The following ATG4B variants were observed in gnomAD, a reference collection of about 807,000 sequenced individuals.
The protein encoded by ATG4B is cysteine protease ATG4B.
Under a neutral mutation model 56.6 loss-of-function variants are expected in ATG4B, and 29 were observed. The ratio of observed to expected loss-of-function variants is 0.51; its 90% CI spans 0.38 to 0.70. ATG4B has a LOEUF of 0.70. Among genes scored for constraint, ATG4B ranks in the 30% least tolerant of loss-of-function variants. ATG4B has a pLI of 0.00. For synonymous variants in ATG4B, 224 were observed against 206.1 expected, an observed-to-expected ratio of 1.09 and a Z score of -0.74; for missense variants, 461 against 515.5, an observed-to-expected ratio of 0.89 and a Z score of 1.02.
chr2:241,665,142 GTC>G (rs1249978063), intron 7 of ATG4B, among the ~76,000 whole-genome samples: 8 of 152,204 alleles, frequency 5.3e-5, no homozygotes, highest in Non-Finnish European at 1.0e-4. Flanking sequence ...AAAAAGTTCT[GTC>G]TCAGAATCCT....
intron 6 of ATG4B, among the ~76,000 whole-genome samples, chr2:241,657,319 A>G (rs987091444): frequency 1.6e-5 from 2 of 128,270 alleles, no homozygotes; most frequent in African/African-American, 3.0e-5. Flanking sequence ...TTTTTCCGAG[A>G]CAGAGTCTAG....
intron 7 of ATG4B, among the ~76,000 whole-genome samples, chr2:241,663,810 T>TG (rs2068665860): frequency 7.2e-6 from 1 of 139,730 alleles, no homozygotes; most frequent in Non-Finnish European, 1.6e-5. Flanking sequence ...GCCAGACGTC[T>TG]ATTTTTTTTT....
rs1033902939 is a variant in ATG4B, at chr2:241,651,058, C to G, written c.59C>G (p.Pro20Arg). The change falls in exon 2 of 13, where the codon CCT becomes CGT. Residue 20 changes from proline to arginine, a missense_variant. Transcript: ENST00000404914. The surrounding 1 kb of genome is among the most constrained non-coding windows in gnomAD (Gnocchi z 4.1). ...CGGTTTGCTGAGTTTGAAGATTTTC[C>G]TGAGACCTCAGAGCCCGTTTGGATA... ...TLRFAEFEDF[P>R]ETSEPVWILG... 8.1e-6 allele frequency: 13 copies of G among 1,613,834 alleles called. No homozygotes were observed. In the African/African-American group the frequency reaches 1.7e-4, roughly 22 times the overall value.
intron 1 of ATG4B, among the ~76,000 whole-genome samples, chr2:241,645,705 C>T (rs983770410): frequency 2.6e-5 from 4 of 152,164 alleles, no homozygotes; most frequent in Non-Finnish European, 4.4e-5. Flanking sequence ...CCAGGTGTGA[C>T]GTGTGGACAC....
intron 7 of ATG4B, among the ~76,000 whole-genome samples, chr2:241,663,013 A>G (rs2068637728): frequency 6.6e-6 from 1 of 152,218 alleles, no homozygotes. Context: ...AGGTGGGTAG[A>G]TCACATGAGG....
At chr2:241,645,851 CTCGGGGAGGGCCGGAG>C (rs1363288052) in intron 1 of ATG4B, among the ~76,000 whole-genome samples, 2 of 152,144 alleles carry the variant, frequency 1.3e-5, no homozygotes, top group East Asian at 3.9e-4. Context: ...GGGCAGGATT[CTCGGGGAGGGCCGGAG>C]TGCGTTTCTC....
At chr2:241,653,369 G>A in intron 3 of ATG4B, 143 bp from the exon 4 acceptor site, 1 of 1,550,556 alleles carries the variant, frequency 6.4e-7, no homozygotes, top group Non-Finnish European at 8.7e-7. Context: ...AGTCCTAAGA[G>A]GTGTGTGTTG....
intron 1 of ATG4B, among the ~76,000 whole-genome samples, chr2:241,648,609 A>C (rs757739985): frequency 6.6e-6 from 1 of 151,408 alleles, no homozygotes; most frequent in Non-Finnish European, 1.5e-5. Context: ...AAAAAAAAGA[A>C]AAAAAAACAG....
intron 1 of ATG4B, among the ~76,000 whole-genome samples, chr2:241,650,562 C>T (rs2068199213): frequency 6.6e-6 from 1 of 152,082 alleles, no homozygotes; most frequent in African/African-American, 2.4e-5. Context: ...GCTTCCCTTG[C>T]GTACAAGGAT....
In ATG4B at chr2:241,673,143, C is replaced by G. The variant is rs1559278648; in HGVS notation, c.*879C>G. ...TGTCCTTGCCTTGCTGAGAATTGCCCTCCCATGCCGCTGAGGTGTTAGGTG... is the reference window on the plus strand; with the variant it reads ...TGTCCTTGCCTTGCTGAGAATTGCCGTCCCATGCCGCTGAGGTGTTAGGTG... On this transcript the variant is annotated 3_prime_UTR_variant, in exon 13 of 13. Transcript: ENST00000404914. The G allele has an allele frequency of 5.3e-6, 1 of 190,012 alleles. No homozygotes were observed. The highest frequency in any genetic ancestry group is 2.3e-5 in the African/African-American group (1 of 43,898). The allele number at this position is 190,012 out of a possible 1,614,324, so 11.8% of individuals were successfully genotyped here. A position where few individuals can be genotyped will look rare whatever the true frequency, so the allele number is the denominator to read the frequency against.
chr2:241,653,244 A>G, intron 3 of ATG4B: 2 of 1,209,852 alleles, frequency 1.7e-6, no homozygotes, highest in East Asian at 2.6e-5. Flanking sequence ...GTGTCTTCAT[A>G]TGTTTGTCAG....
chr2:241,666,875 G>C (rs370063366), intron 8 of ATG4B, 37 bp downstream of exon 8: 1 of 1,530,482 alleles, frequency 6.5e-7, no homozygotes, highest in African/African-American at 1.4e-5. Context: ...CTGAGTCCCC[G>C]TCCCCTTCTC....
chr2:241,655,833 C>G (rs968325712), intron 6 of ATG4B, among the ~76,000 whole-genome samples: 3 of 152,234 alleles, frequency 2.0e-5, no homozygotes, highest in African/African-American at 4.8e-5. Context: ...GCACCTCACT[C>G]AGCCCCATTG....
At chr2:241,661,905 G>GA (rs1480807210) in intron 7 of ATG4B, among the ~76,000 whole-genome samples, 1 of 152,176 alleles carries the variant, frequency 6.6e-6, no homozygotes, top group African/African-American at 2.4e-5. Context: ...ATACAGATTG[G>GA]AAAACGTGTC....
intron 7 of ATG4B, among the ~76,000 whole-genome samples, chr2:241,660,457 A>T (rs1021431935): frequency 5.3e-5 from 8 of 152,226 alleles, no homozygotes; most frequent in Admixed American, 5.2e-4. Flanking sequence ...GAGCTTTGCC[A>T]CAGCAGGCTC....
At chr2:241,649,414 G>C (rs1559253215) in intron 1 of ATG4B, among the ~76,000 whole-genome samples, 1 of 152,192 alleles carries the variant, frequency 6.6e-6, no homozygotes, top group East Asian at 1.9e-4. Flanking sequence ...TGAAGTGTGG[G>C]GTTGTTATCA....
chr2:241,670,667 A>G (rs1328888302), intron 10 of ATG4B, 59 bp from the exon 11 acceptor site: 3 of 1,489,996 alleles, frequency 2.0e-6, no homozygotes, highest in Non-Finnish European at 2.8e-6. Context: ...GGAAGCCCCC[A>G]CCTCTTAGCC....
chr2:241,655,198 C>T, intron 5 of ATG4B, 73 bp from the exon 6 acceptor site: 4 of 1,471,602 alleles, frequency 2.7e-6, no homozygotes, highest in Non-Finnish European at 3.7e-6. Flanking sequence ...GACGTGTCTC[C>T]TGGCACCACG....
intron 1 of ATG4B, 32 bp downstream of exon 1, chr2:241,637,756 A>G (rs752301833): frequency 1.3e-5 from 20 of 1,567,020 alleles, no homozygotes; most frequent in Middle Eastern, 1.7e-4. Flanking sequence ...GTCTTTCCGC[A>G]GGAGGTGCTC....
Sources: allele counts gnomAD v4.1 joint callset (sites outside exome capture counted in the v4.1 genomes callset), GRCh38; gene constraint gnomAD v4.1.1; non-coding constraint Gnocchi (gnomAD v3.1); transcripts MANE v1.5; gene names NCBI Gene and HGNC (gene_info 2026-07-23, HGNC 2026-07-21).